The following PDIA3 variants were observed in gnomAD, a reference collection of about 807,000 sequenced individuals.
PDIA3 encodes protein disulfide isomerase family A member 3, also known as protein disulfide-isomerase A3.
PDIA3 carries 16 observed loss-of-function variants against 56.9 expected under a neutral mutation model. That is an observed-to-expected ratio of 0.28 (90% CI 0.19 to 0.43). The LOEUF (loss-of-function observed/expected upper bound fraction) is 0.43. PDIA3 is among the 20% of genes least tolerant of loss of function. The probability of loss-of-function intolerance (pLI) is 1.00; values close to 1 mark genes in which losing one functional copy is unlikely to be tolerated. For missense variants in PDIA3, 485 were observed against 621.3 expected, an observed-to-expected ratio of 0.78 and a Z score of 2.33; for synonymous variants, 192 against 216.5, an observed-to-expected ratio of 0.89 and a Z score of 0.99.
chr15:43,755,036 A>C (rs1204904833), intron 2 of PDIA3, among the ~76,000 whole-genome samples: 2 of 152,154 alleles, frequency 1.3e-5, no homozygotes, highest in Non-Finnish European at 2.9e-5. Flanking sequence ...GGTTAAAATA[A>C]TCATTGAGGC....
intron 2 of PDIA3, among the ~76,000 whole-genome samples, chr15:43,755,930 A>G (rs563620529): frequency 1.3e-5 from 2 of 152,230 alleles, no homozygotes; most frequent in African/African-American, 4.8e-5. Flanking sequence ...AAAAAAAAAA[A>G]ATTCAATCAC....
At chr15:43,761,700 T>C (rs535776655) in intron 4 of PDIA3, among the ~76,000 whole-genome samples, 169 bp downstream of exon 4, 10 of 152,172 alleles carry the variant, frequency 6.6e-5, no homozygotes, top group African/African-American at 2.4e-4. Flanking sequence ...TATAGTACAT[T>C]ATATAATTAC....
chr15:43,754,012 A>G, intron 2 of PDIA3, 110 bp downstream of exon 2: 5 of 743,196 alleles, frequency 6.7e-6, no homozygotes, highest in Middle Eastern at 2.6e-4. Context: ...AGTTTGTAAG[A>G]TTAACATTCA....
intron 1 of PDIA3, among the ~76,000 whole-genome samples, chr15:43,748,263 A>C (rs1694327671): frequency 6.6e-6 from 1 of 151,572 alleles, no homozygotes; most frequent in Admixed American, 6.6e-5. Flanking sequence ...GGATCACCTG[A>C]GGTCGGGAGT....
intron 6 of PDIA3, 139 bp from the exon 7 acceptor site, chr15:43,765,748 T>G (rs1269412378): frequency 1.1e-6 from 1 of 931,344 alleles, no homozygotes; most frequent in Non-Finnish European, 1.7e-6. Context: ...TGTCATCCTG[T>G]AAGGTATATA....
chr15:43,746,532 T>A lies in PDIA3; in HGVS notation c.-8T>A. 6.3e-7 allele frequency: 1 copy of A among 1,590,600 alleles called. No homozygotes were observed. The highest frequency in any genetic ancestry group is 8.5e-7 in the Non-Finnish European group (1 of 1,171,094). On this transcript the variant is annotated 5_prime_UTR_variant, in exon 1 of 13. Coordinates refer to ENST00000300289, the MANE Select transcript of PDIA3 (RefSeq NM_005313.5). ...CCCTTCCGGCCGTCCCCACCCCACCTCGCCGCCATGCGCCTCCGCCGCCTA... is the reference window on the plus strand; with the variant it reads ...CCCTTCCGGCCGTCCCCACCCCACCACGCCGCCATGCGCCTCCGCCGCCTA...
Position 43,768,485 on chromosome 15 carries a change from G to A in PDIA3, c.1029-4G>A, listed in dbSNP as rs753967601. 84 of 1,603,788 alleles carry A rather than the reference G, an allele frequency of 5.2e-5. 1 individual carries two copies. Among genetic ancestry groups the A allele is most frequent in the Non-Finnish European group, 6.8e-5 (80 of 1,170,848 alleles). On this transcript the variant is annotated splice_region_variant and splice_polypyrimidine_tract_variant and intron_variant, in intron 8 of 12. Coordinates refer to ENST00000300289, the MANE Select transcript of PDIA3 (RefSeq NM_005313.5). ...CAAGCCTTACCCTTGTTTTCCAATT[G>A]TAGGCGTGATGGGAAGGCTCTGGAG... is the stretch of plus-strand genomic sequence containing the variant.
intron 1 of PDIA3, among the ~76,000 whole-genome samples, chr15:43,747,823 A>G (rs1396669771): frequency 1.3e-5 from 2 of 152,194 alleles, no homozygotes; most frequent in Non-Finnish European, 2.9e-5. Context: ...GCTAAGGGTT[A>G]CACGAAAAAA....
chr15:43,754,148 C>T (rs1423055252), intron 2 of PDIA3, among the ~76,000 whole-genome samples: 1 of 152,112 alleles, frequency 6.6e-6, no homozygotes, highest in Non-Finnish European at 1.5e-5. Context: ...GTAATCCCAG[C>T]ACTTTGGGAG....
At chr15:43,759,240 A>G (rs2086799376) in intron 3 of PDIA3, among the ~76,000 whole-genome samples, 1 of 152,146 alleles carries the variant, frequency 6.6e-6, no homozygotes, top group African/African-American at 2.4e-5. Flanking sequence ...CAGTAAGCGG[A>G]GATAGCACCA....
At position 43,752,467 on chromosome 15, in the gene PDIA3, CAATG is replaced by C. The variant is rs758450942; in HGVS notation, c.168-1353_168-1350del. Among the ~76,000 whole-genome samples the C allele has an allele frequency of 3.1e-4, 47 of 152,282 alleles. 1 individual carries two copies. The highest frequency in any genetic ancestry group is 1.0e-3 in the South Asian group (5 of 4,830). ...AATACATCTTAATATCAGGAAAAAA[CAATG>C]AATCTGAAATACAGCATAAGGAATA... is the stretch of plus-strand genomic sequence containing the variant. On this transcript the variant is annotated intron_variant, in intron 1 of 12. Coordinates refer to ENST00000300289, the MANE Select transcript of PDIA3 (RefSeq NM_005313.5).
intron 5 of PDIA3, among the ~76,000 whole-genome samples, chr15:43,763,717 T>C (rs1474266770): frequency 6.6e-6 from 1 of 152,070 alleles, no homozygotes; most frequent in East Asian, 1.9e-4. Flanking sequence ...TGTAAGTGTA[T>C]GTAGAACTAT....
At chr15:43,768,007 C>G (rs2086859029) in intron 8 of PDIA3, among the ~76,000 whole-genome samples, 1 of 152,106 alleles carries the variant, frequency 6.6e-6, no homozygotes, top group Admixed American at 6.6e-5. Flanking sequence ...GACGTAATTT[C>G]AAACCAAACC....
chr15:43,768,417 C>G, intron 8 of PDIA3, 72 bp from the exon 9 acceptor site: 1 of 1,144,328 alleles, frequency 8.7e-7, no homozygotes, highest in Non-Finnish European at 1.3e-6. Context: ...AGTAACTATT[C>G]AAAGAAATTG....
At chr15:43,758,270 G>A (rs1256466528) in intron 3 of PDIA3, among the ~76,000 whole-genome samples, 2 of 152,012 alleles carry the variant, frequency 1.3e-5, no homozygotes, top group African/African-American at 2.4e-5. Flanking sequence ...AGCCAATGTT[G>A]GTATGGATGT....
chr15:43,758,985 A>T (rs2086797414), intron 3 of PDIA3, among the ~76,000 whole-genome samples: 2 of 151,854 alleles, frequency 1.3e-5, no homozygotes, highest in South Asian at 4.2e-4. Context: ...AAAAAAAAAA[A>T]TAAAAATGAA....
chr15:43,769,798 C>A, intron 10 of PDIA3, 152 bp downstream of exon 10: 1 of 793,812 alleles, frequency 1.3e-6, no homozygotes, highest in Non-Finnish European at 2.0e-6. Flanking sequence ...TGACTGCCCC[C>A]TAGTGCTCCA....
chr15:43,762,879 A>T (rs1195998375), intron 4 of PDIA3, among the ~76,000 whole-genome samples, 198 bp from the exon 5 acceptor site: 1 of 152,200 alleles, frequency 6.6e-6, no homozygotes, highest in Non-Finnish European at 1.5e-5. Flanking sequence ...TGGCTCTCTC[A>T]AGAAATGTTT....
In PDIA3 at chr15:43,770,314, C is replaced by T; in HGVS notation, c.1331C>T (p.Pro444Leu). 5 of 1,613,856 alleles carry T rather than the reference C, an allele frequency of 3.1e-6. No individual in the cohort carries two copies. The highest frequency in any genetic ancestry group is 3.4e-6 in the Non-Finnish European group (4 of 1,179,746). Residue 444 changes from proline to leucine, a missense_variant, in exon 11 of 13, where the codon CCA becomes CTA. Physicochemically the swap from Pro to Leu is moderately conservative, Grantham distance 98. Transcript: ENST00000300289. ...MDATANDVPS[P>L]YEVRGFPTIY... Reference sequence around the variant, plus strand: ...GCCACAGCCAATGATGTGCCTTCTCCATATGAAGTCAGAGGGTAAGTGGCT... The same window carrying T: ...GCCACAGCCAATGATGTGCCTTCTCTATATGAAGTCAGAGGGTAAGTGGCT...
Sources: gnomAD v4.1 joint callset for allele counts (sites outside exome capture counted in the v4.1 genomes callset) on GRCh38, gnomAD v4.1.1 for gene constraint, MANE v1.5 for transcripts, NCBI Gene and HGNC (gene_info 2026-07-23, HGNC 2026-07-21) for gene names.